KCNQ1: variants seen among roughly 807,000 people sequenced by gnomAD.
KCNQ1 encodes the protein potassium voltage-gated channel subfamily KQT member 1.
KCNQ1 carries 49 observed loss-of-function variants against 72.4 expected under a neutral mutation model. The observed-to-expected ratio is 0.68, with a 90% CI of 0.54 to 0.86. The LOEUF (loss-of-function observed/expected upper bound fraction) is 0.86. Ranked by LOEUF, KCNQ1 falls within the 40% of genes least tolerant of loss-of-function variation. KCNQ1 has a pLI of 0.00. For missense variants in KCNQ1, 790 were observed against 945.1 expected, an observed-to-expected ratio of 0.84 and a Z score of 2.15; for synonymous variants, 450 against 412.6, an observed-to-expected ratio of 1.09 and a Z score of -1.10.
chr11:2,500,382 C>G lies in KCNQ1; in HGVS notation c.387-27546C>G, dbSNP rs140817954. Among the ~76,000 whole-genome samples, 1,293 of 152,266 alleles carry G rather than the reference C, an allele frequency of 8.5e-3. 14 individuals carry two copies. The highest frequency in any genetic ancestry group is 0.03 in the African/African-American group (1,239 of 41,552). Reference sequence around the variant, plus strand: ...TTAAAAAATCAGGAAACAACAGATGCTGGAGAGGATGTGGAGAAATAGGAA... The same window carrying G: ...TTAAAAAATCAGGAAACAACAGATGGTGGAGAGGATGTGGAGAAATAGGAA... On this transcript the variant is annotated intron_variant, in intron 1 of 15. Transcript: ENST00000155840.
chr11:2,815,873 G>T lies in KCNQ1; in HGVS notation c.1795-31894G>T, dbSNP rs553981135. On this transcript the variant is annotated intron_variant, in intron 15 of 15. Transcript: ENST00000155840. This position sits in a 1 kb window ranked among gnomAD's most constrained non-coding sequence, Gnocchi z 5.4. ...AAGTTGCTCAGGGGGTCTCCAGGCT[G>T]TATCTAACAGCTGCCTGTGCCGAAA... is the stretch of plus-strand genomic sequence containing the variant. Among the ~76,000 whole-genome samples, 2 of 152,304 alleles carry T rather than the reference G, an allele frequency of 1.3e-5. No homozygotes were observed. The highest frequency in any genetic ancestry group is 1.3e-4 in the Admixed American group (2 of 15,310).
rs919216119 is a variant in KCNQ1, at chr11:2,494,319, C to T, written c.387-33609C>T. The stretch of plus-strand genomic sequence containing the variant: ...CAGAGAAAATTTGACTTCCTCTTTT[C>T]CTATTTGAATACTCTTTATTTTTTC... On this transcript the variant is annotated intron_variant, in intron 1 of 15. Transcript: ENST00000155840. The surrounding 1 kb of genome is among the most constrained non-coding windows in gnomAD (Gnocchi z 4.6). Among the ~76,000 whole-genome samples, 1 of 152,100 alleles carries T rather than the reference C, an allele frequency of 6.6e-6. No individual in the cohort carries two copies. The highest frequency in any genetic ancestry group is 1.5e-5 in the Non-Finnish European group (1 of 68,026).
rs963316982 is a variant in KCNQ1, at chr11:2,544,829, G to A, written c.477+16811G>A. Among the ~76,000 whole-genome samples, 15 of 152,060 alleles carry A rather than the reference G, an allele frequency of 9.9e-5. No homozygotes were observed. The highest frequency in any genetic ancestry group is 3.1e-4 in the African/African-American group (13 of 41,394). On this transcript the variant is annotated intron_variant, in intron 2 of 15. Coordinates refer to ENST00000155840, the MANE Select transcript of KCNQ1 (RefSeq NM_000218.3). The surrounding 1 kb of genome is among the most constrained non-coding windows in gnomAD (Gnocchi z 4.4). The stretch of plus-strand genomic sequence containing the variant: ...TTTTTCTGGCCTGATTGCACTGGGC[G>A]GCTCATCCACTGCAGTGTCCAATAC...
chr11:2,738,677 G>A (rs962011534), intron 11 of KCNQ1, among the ~76,000 whole-genome samples: 1 of 152,210 alleles, frequency 6.6e-6, no homozygotes, highest in Non-Finnish European at 1.5e-5. Flanking sequence ...GGGTGTTCAG[G>A]GGTGGGGTGG....
Position 2,683,645 on chromosome 11 carries a change from G to T in KCNQ1, c.1514+21564G>T, listed in dbSNP as rs941744698. On this transcript the variant is annotated intron_variant, in intron 11 of 15. Transcript: ENST00000155840. This position sits in a 1 kb window ranked among gnomAD's most constrained non-coding sequence, Gnocchi z 4.7. ...AACTGGGCCCTGCATCTGCTGCAAG[G>T]AACATCCCTTACTTTCCCATCTCAA... The T allele has an allele frequency of 1.0e-5, 4 of 398,498 alleles. No homozygotes were observed. The highest frequency in any genetic ancestry group is 3.6e-5 in the East Asian group (1 of 28,098). The allele number at this position is 398,498 out of a possible 1,614,324, so 24.7% of individuals were successfully genotyped here. A position where few individuals can be genotyped will look rare whatever the true frequency, so the allele number is the denominator to read the frequency against.
At chr11:2,606,690 A>G (rs775398159) in intron 10 of KCNQ1, among the ~76,000 whole-genome samples, 2 of 152,090 alleles carry the variant, frequency 1.3e-5, no homozygotes, top group African/African-American at 2.4e-5. Context: ...GTAACACAAA[A>G]CTGGACCAGC....
rs1186369735 is a variant in KCNQ1 at position 2,809,550 on chromosome 11, T to C, written c.1794+31513T>C. On this transcript the variant is annotated intron_variant, in intron 15 of 15. Transcript: ENST00000155840. This position sits in a 1 kb window ranked among gnomAD's most constrained non-coding sequence, Gnocchi z 7.1. ...TATGAAGGTGGCAACAGACTCCCCA[T>C]AGTCCTCTCACCACAGACACCTCTT... Among the ~76,000 whole-genome samples the C allele has an allele frequency of 5.9e-5, 9 of 152,288 alleles. No homozygotes were observed. The East Asian group carries it at 1.4e-3, about 23-fold the overall frequency.
At chr11:2,836,788 G>T (rs772125540) in intron 15 of KCNQ1, among the ~76,000 whole-genome samples, 1 of 152,240 alleles carries the variant, frequency 6.6e-6, no homozygotes, top group African/African-American at 2.4e-5. Flanking sequence ...CACGAGCTGC[G>T]TATCAAAGTT....
chr11:2,470,374 C>T (rs11821100), intron 1 of KCNQ1, among the ~76,000 whole-genome samples: 37,885 of 151,968 alleles, frequency 0.25, 5,070 homozygotes, highest in East Asian at 0.36. Context: ...TATATACTTG[C>T]GAGACTTTAG....
chr11:2,697,692 A>G, intron 11 of KCNQ1: 1 of 398,576 alleles, frequency 2.5e-6, no homozygotes, highest in East Asian at 3.6e-5. Flanking sequence ...CTGATATTGG[A>G]TCATCTTTGC....
rs937271635 is a variant in KCNQ1, at chr11:2,715,975, G to T, written c.1515-52869G>T. On this transcript the variant is annotated intron_variant, in intron 11 of 15. Coordinates refer to ENST00000155840, the MANE Select transcript of KCNQ1 (RefSeq NM_000218.3). This position sits in a 1 kb window ranked among gnomAD's most constrained non-coding sequence, Gnocchi z 4.9. ...CCCCACGTCACCTCCAAACCCTTTG[G>T]GCTGGCCTCTTGGTGAGGAATGGCC... 6.6e-6 allele frequency among the ~76,000 whole-genome samples: 1 copy of T among 152,174 alleles called. No individual in the cohort carries two copies. Among genetic ancestry groups the T allele is most frequent in the African/African-American group, 2.4e-5 (1 of 41,448 alleles).
rs146614501 is a variant in KCNQ1, at chr11:2,826,553, G to T, written c.1795-21214G>T. Among the ~76,000 whole-genome samples the T allele has an allele frequency of 4.6e-5, 7 of 152,352 alleles. No individual in the cohort carries two copies. The highest frequency in any genetic ancestry group is 8.8e-5 in the Non-Finnish European group (6 of 68,018). On this transcript the variant is annotated intron_variant, in intron 15 of 15. Transcript: ENST00000155840. The surrounding 1 kb of genome is among the most constrained non-coding windows in gnomAD (Gnocchi z 4.2). ...CCCTCCTGCTGCTGCTTCCCCGAAG[G>T]CCTCCCCAGCAGACCTGCAGCTGGG...
At chr11:2,667,601 G>T (rs566395407) in intron 11 of KCNQ1, 2 of 398,514 alleles carry the variant, frequency 5.0e-6, no homozygotes, top group Admixed American at 4.4e-5. Context: ...TTGGGCGGGG[G>T]GCACATCCCA....
intron 1 of KCNQ1, among the ~76,000 whole-genome samples, chr11:2,472,240 T>G (rs1227071029): frequency 6.6e-6 from 1 of 151,522 alleles, no homozygotes; most frequent in Non-Finnish European, 1.5e-5. Flanking sequence ...TATATATGGG[T>G]GTGTGTGCAC....
chr11:2,476,655 A>G (rs1846572551), intron 1 of KCNQ1, among the ~76,000 whole-genome samples: 2 of 152,330 alleles, frequency 1.3e-5, no homozygotes, highest in Non-Finnish European at 2.9e-5. Flanking sequence ...AAATTTAGAC[A>G]TGAGAAGGCT....
chr11:2,608,938 C>G lies in KCNQ1; in HGVS notation c.1393+20084C>G. On this transcript the variant is annotated intron_variant, in intron 10 of 15. Transcript: ENST00000155840. The surrounding 1 kb of genome is among the most constrained non-coding windows in gnomAD (Gnocchi z 4.6). The stretch of plus-strand genomic sequence containing the variant: ...TCCCCTTCTTTTCTTCTCCCTCTCC[C>G]TCTCTCTTACCAATCTATCAAAGGT... 1 of 398,436 alleles carries G rather than the reference C, an allele frequency of 2.5e-6. No individual in the cohort carries two copies. Among genetic ancestry groups the G allele is most frequent in the Admixed American group, 4.4e-5 (1 of 22,718 alleles). 24.7% of individuals were successfully genotyped at this position (398,436 alleles called of 1,614,324 possible).
rs930545100 is a variant in KCNQ1 at position 2,603,820 on chromosome 11, A to T, written c.1393+14966A>T. Among the ~76,000 whole-genome samples the T allele has an allele frequency of 3.3e-5, 5 of 151,892 alleles. No homozygotes were observed. The highest frequency in any genetic ancestry group is 1.3e-4 in the Admixed American group (2 of 15,264). Reference sequence around the variant, plus strand: ...ATTCACCCGCCTCAGCCTCCCAAGTAGGTGGGATTACGGGCACGCACCACC... The same window carrying T: ...ATTCACCCGCCTCAGCCTCCCAAGTTGGTGGGATTACGGGCACGCACCACC... On this transcript the variant is annotated intron_variant, in intron 10 of 15. Coordinates refer to ENST00000155840, the MANE Select transcript of KCNQ1 (RefSeq NM_000218.3). The surrounding 1 kb of genome is among the most constrained non-coding windows in gnomAD (Gnocchi z 4.1).
rs139115580 is a variant in KCNQ1, at chr11:2,659,118, A to C, written c.1394-2843A>C. On this transcript the variant is annotated intron_variant, in intron 10 of 15. Coordinates refer to ENST00000155840, the MANE Select transcript of KCNQ1 (RefSeq NM_000218.3). The surrounding 1 kb of genome is among the most constrained non-coding windows in gnomAD (Gnocchi z 4.3). ...CTCCAACATCCGGGTTAATTTTTTA[A>C]ATTTGCATACAGTAAAATCCACTCT... The C allele has an allele frequency of 2.5e-3, 1,002 of 398,546 alleles. 5 individuals carry two copies. Among genetic ancestry groups the C allele is most frequent in the African/African-American group, 0.018 (892 of 48,716 alleles). The allele number at this position is 398,546 out of a possible 1,614,324, so 24.7% of individuals were successfully genotyped here.
At chr11:2,632,975 T>G (rs1244940558) in intron 10 of KCNQ1, 2 of 398,384 alleles carry the variant, frequency 5.0e-6, no homozygotes, top group East Asian at 3.6e-5. Flanking sequence ...TACTTTTAGT[T>G]TTTTTGACAA....
Sources: allele counts gnomAD v4.1 joint callset (sites outside exome capture counted in the v4.1 genomes callset), GRCh38; gene constraint gnomAD v4.1.1; non-coding constraint Gnocchi (gnomAD v3.1); transcripts MANE v1.5; gene names NCBI Gene and HGNC (gene_info 2026-07-23, HGNC 2026-07-21).